The following HK1 variants were observed in gnomAD, a reference collection of about 807,000 sequenced individuals.
HK1 encodes hexokinase-1.
HK1 carries 28 observed loss-of-function variants against 91.6 expected under a neutral mutation model. The observed-to-expected ratio is 0.31, with a 90% confidence interval of 0.23 to 0.42. HK1 has a LOEUF of 0.42. Among genes scored for constraint, HK1 ranks in the 10% least tolerant of loss-of-function variants. HK1 has a pLI of 1.00. For missense variants in HK1, 770 were observed against 1,219.8 expected (o/e 0.63, Z 5.49); for synonymous variants, 430 against 468.1 (o/e 0.92, Z 1.05).
intron 5 of HK1, among the ~76,000 whole-genome samples, chr10:69,307,921 C>T (rs1846177360): frequency 6.6e-6 from 1 of 152,218 alleles, no homozygotes; most frequent in African/African-American, 2.4e-5. Flanking sequence ...TCATGGCAAC[C>T]TCTGCCTCCC....
chr10:69,283,863 G>A (rs1303933295), intron 2 of HK1, among the ~76,000 whole-genome samples: 1 of 150,858 alleles, frequency 6.6e-6, no homozygotes, highest in Non-Finnish European at 1.5e-5. Context: ...CCAAGTCTCA[G>A]GATCTTAAAA....
chr10:69,288,934 G>A (rs1412224365), intron 3 of HK1, among the ~76,000 whole-genome samples: 3 of 152,060 alleles, frequency 2.0e-5, no homozygotes, highest in Non-Finnish European at 2.9e-5. Context: ...TACAGGCATG[G>A]GCCACCACAC....
intron 2 of HK1, among the ~76,000 whole-genome samples, chr10:69,287,240 C>A (rs1355116243): frequency 1.3e-5 from 2 of 152,120 alleles, no homozygotes; most frequent in African/African-American, 4.8e-5. Flanking sequence ...AGCAAGGCAC[C>A]TTCTTCATAC....
chr10:69,284,528 CT>C (rs145982328), intron 2 of HK1, among the ~76,000 whole-genome samples: 13,556 of 152,202 alleles, frequency 0.089, 1,064 homozygotes, highest in African/African-American at 0.21. Flanking sequence ...AATCCAGCTG[CT>C]TAAGCCAAGT....
intron 2 of HK1, among the ~76,000 whole-genome samples, chr10:69,283,798 C>CAAAAAAA (rs571297748): frequency 4.4e-5 from 3 of 67,546 alleles, no homozygotes; most frequent in African/African-American, 1.3e-4. Flanking sequence ...GACTCTGTCT[C>CAAAAAAA]AAAAAAAAAA....
chr10:69,332,912 G>A (rs1190406939), intron 1 of HK1, among the ~76,000 whole-genome samples: 1 of 152,084 alleles, frequency 6.6e-6, no homozygotes, highest in Non-Finnish European at 1.5e-5. Flanking sequence ...CCTGAGCCTG[G>A]GCAGGGGTCC....
chr10:69,390,450 G>A (rs1839846847), intron 14 of HK1, among the ~76,000 whole-genome samples: 1 of 152,212 alleles, frequency 6.6e-6, no homozygotes, highest in African/African-American at 2.4e-5. Flanking sequence ...CCATAGGCAA[G>A]ATGTATGGTT....
intron 1 of HK1, among the ~76,000 whole-genome samples, chr10:69,336,731 C>T (rs1010747658): frequency 1.3e-5 from 2 of 150,868 alleles, no homozygotes; most frequent in African/African-American, 4.9e-5. Flanking sequence ...CCTCTGCCTC[C>T]TGGGTTCAAG....
intron 1 of HK1, among the ~76,000 whole-genome samples, chr10:69,340,238 T>A (rs1388806403): frequency 6.6e-6 from 1 of 152,212 alleles, no homozygotes; most frequent in African/African-American, 2.4e-5. Context: ...GTACCTTTTT[T>A]AAAATTAAAA....
At chr10:69,329,454 C>T (rs1431736836) in intron 1 of HK1, among the ~76,000 whole-genome samples, 1 of 152,136 alleles carries the variant, frequency 6.6e-6, no homozygotes, top group Non-Finnish European at 1.5e-5. Context: ...AGCCACCGCG[C>T]CCGGCCAGAC....
chr10:69,364,604 T>A (rs1057052266), intron 3 of HK1, among the ~76,000 whole-genome samples, 179 bp from the exon 4 acceptor site: 1 of 152,202 alleles, frequency 6.6e-6, no homozygotes, highest in Admixed American at 6.5e-5. Context: ...AAAGTGACTC[T>A]TCTCTGCATT....
At chr10:69,341,288 A>G (rs1176563703) in intron 1 of HK1, among the ~76,000 whole-genome samples, 1 of 151,770 alleles carries the variant, frequency 6.6e-6, no homozygotes, top group Non-Finnish European at 1.5e-5. Context: ...CAGTCTCCCG[A>G]GTAGCTGGGA....
At chr10:69,327,213 A>T (rs1847435472) in intron 1 of HK1, among the ~76,000 whole-genome samples, 1 of 151,934 alleles carries the variant, frequency 6.6e-6, no homozygotes, top group Non-Finnish European at 1.5e-5. Flanking sequence ...CTGGTCTCAA[A>T]ATCCTGACCT....
intron 2 of HK1, among the ~76,000 whole-genome samples, chr10:69,350,729 T>C (rs191425556): frequency 6.6e-6 from 1 of 152,038 alleles, no homozygotes; most frequent in East Asian, 1.9e-4. Context: ...AGCAAATTAA[T>C]TAAGTAAAAT....
rs751845366 is a variant in HK1, at chr10:69,398,622, G to A, written c.2403G>A (p.Arg801=). 6.2e-7 allele frequency: 1 copy of A among 1,613,930 alleles called. No homozygotes were observed. The highest frequency in any genetic ancestry group is 1.1e-5 in the South Asian group (1 of 91,050). The change falls in exon 17 of 18, where the codon CGG becomes CGA. Residue 801 remains arginine, a synonymous_variant. Coordinates refer to ENST00000359426, the MANE Select transcript of HK1 (RefSeq NM_000188.3). ...ACCGATTAGCACTGCTCCAGGTCCG[G>A]GCTATCCTCCAGCAGCTAGGTCTGA... ...ESDRLALLQV[R]AILQQLGLNS...
At chr10:69,293,398 A>G (rs1354974013) in intron 3 of HK1, among the ~76,000 whole-genome samples, 2 of 152,202 alleles carry the variant, frequency 1.3e-5, no homozygotes, top group African/African-American at 4.8e-5. Flanking sequence ...GCCAGCTTGC[A>G]CATGATTTTT....
chr10:69,316,016 T>A (rs769395943), upstream of HK1: 4 of 1,612,984 alleles, frequency 2.5e-6, no homozygotes, highest in Admixed American at 6.7e-5. Context: ...GAGATTGGGG[T>A]GAGTAGCTGT....
intron 2 of HK1, among the ~76,000 whole-genome samples, chr10:69,349,503 C>A (rs751055017): frequency 1.3e-5 from 2 of 152,212 alleles, no homozygotes; most frequent in African/African-American, 2.4e-5. Flanking sequence ...ACCCAGCAGG[C>A]CTGAATGTGT....
At chr10:69,305,212 A>C (rs1020828904) in intron 5 of HK1, among the ~76,000 whole-genome samples, 4 of 152,176 alleles carry the variant, frequency 2.6e-5, no homozygotes, top group African/African-American at 9.7e-5. Flanking sequence ...AAGCCACAGA[A>C]TAGCTGTGTC....
Sources: gnomAD v4.1 joint callset for allele counts (sites outside exome capture counted in the v4.1 genomes callset) on GRCh38, gnomAD v4.1.1 for gene constraint, MANE v1.5 for transcripts, NCBI Gene and HGNC (gene_info 2026-07-23, HGNC 2026-07-21) for gene names.